Variants in IL27RA observed in about 807,000 individuals in gnomAD.
IL27RA encodes the protein interleukin-27 receptor subunit alpha.
Under a neutral mutation model 80.8 loss-of-function variants are expected in IL27RA, and 61 were observed. The observed-to-expected ratio is 0.76, with a 90% confidence interval of 0.61 to 0.93. IL27RA has a LOEUF of 0.93. Among genes scored for constraint, IL27RA ranks in the 40% least tolerant of loss-of-function variants. IL27RA has a pLI of 0.00. For missense variants in IL27RA, 735 were observed against 808.1 expected, an observed-to-expected ratio of 0.91 and a Z score of 1.10; for synonymous variants, 316 against 332.5, an observed-to-expected ratio of 0.95 and a Z score of 0.54.
chr19:14,032,589 G>A, intron 2 of IL27RA, 86 bp downstream of exon 2: 1 of 601,014 alleles, frequency 1.7e-6, no homozygotes, highest in South Asian at 1.8e-5. Flanking sequence ...GGTTCCAGGA[G>A]TCAAGCCTGG....
chr19:14,042,918 G>T (rs1976013954), intron 6 of IL27RA, 129 bp downstream of exon 6: 1 of 811,322 alleles, frequency 1.2e-6, no homozygotes, highest in Non-Finnish European at 2.1e-6. Context: ...GAGGAGGGTG[G>T]ATCACTTGAG....
At position 14,044,325 on chromosome 19, in the gene IL27RA, C is replaced by T. The variant is rs951747258; in HGVS notation, c.768+1536C>T. Among the ~76,000 whole-genome samples, 4 of 152,006 alleles carry T rather than the reference C, an allele frequency of 2.6e-5. 1 individual carries two copies. The highest frequency in any genetic ancestry group is 2.1e-4 in the South Asian group (1 of 4,822). ...GGCGATCTTGGCTCACCGCAACCTC[C>T]GCCTCCTGGGTTCAAGCGATTCTCC... On this transcript the variant is annotated intron_variant, in intron 6 of 13. Coordinates refer to ENST00000263379, the MANE Select transcript of IL27RA (RefSeq NM_004843.4).
At chr19:14,045,290 G>GAAA (rs998564347) in intron 6 of IL27RA, among the ~76,000 whole-genome samples, 1 of 106,434 alleles carries the variant, frequency 9.4e-6, no homozygotes. Flanking sequence ...ATGTCAAAAA[G>GAAA]AAAAAAAAAA....
At chr19:14,032,278 C>T (rs1568497673) in intron 1 of IL27RA, 108 bp from the exon 2 acceptor site, 2 of 880,110 alleles carry the variant, frequency 2.3e-6, no homozygotes, top group African/African-American at 1.7e-5. Flanking sequence ...CTGCTCATTT[C>T]CCTAAGCCCC....
At chr19:14,033,441 G>A (rs1323042012) in intron 2 of IL27RA, among the ~76,000 whole-genome samples, 1 of 151,628 alleles carries the variant, frequency 6.6e-6, no homozygotes, top group Admixed American at 6.6e-5. Flanking sequence ...TATAAATAAA[G>A]GGAAATAGGC....
intron 2 of IL27RA, among the ~76,000 whole-genome samples, chr19:14,034,027 G>A (rs1448469058): frequency 1.3e-5 from 2 of 152,200 alleles, no homozygotes; most frequent in Non-Finnish European, 2.9e-5. Flanking sequence ...CGAAGGTTAA[G>A]TCTGAGGATT....
At chr19:14,042,351 G>A (rs999719360) in intron 4 of IL27RA, 102 bp from the exon 5 acceptor site, 8 of 1,277,612 alleles carry the variant, frequency 6.3e-6, no homozygotes, top group Admixed American at 4.3e-5. Flanking sequence ...GGGCCACAAC[G>A]AGACTGTCTC....
At chr19:14,032,774 C>T (rs1975839357) in intron 2 of IL27RA, among the ~76,000 whole-genome samples, 1 of 145,252 alleles carries the variant, frequency 6.9e-6, no homozygotes, top group Admixed American at 7.0e-5. Flanking sequence ...CCACTGCACT[C>T]CAGCCTGGGG....
chr19:14,034,967 T>C (rs1186259565), intron 2 of IL27RA, among the ~76,000 whole-genome samples: 2 of 144,662 alleles, frequency 1.4e-5, no homozygotes, highest in East Asian at 4.0e-4. Context: ...AAAAAAAAAA[T>C]TCATACAACA....
At chr19:14,037,558 T>A (rs1481194664) in intron 2 of IL27RA, among the ~76,000 whole-genome samples, 1 of 151,436 alleles carries the variant, frequency 6.6e-6, no homozygotes, top group Non-Finnish European at 1.5e-5. Context: ...CCTGGCCCCT[T>A]CTTACTATTT....
At chr19:14,051,174 C>T (rs542214843) in intron 11 of IL27RA, among the ~76,000 whole-genome samples, 2 of 152,176 alleles carry the variant, frequency 1.3e-5, no homozygotes, top group Non-Finnish European at 2.9e-5. Context: ...CGCTTGAGCC[C>T]AGGAGTTGGA....
At position 14,043,335 on chromosome 19, in the gene IL27RA, G is replaced by A. The variant is rs557582474; in HGVS notation, c.768+546G>A. On this transcript the variant is annotated intron_variant, in intron 6 of 13. Coordinates refer to ENST00000263379, the MANE Select transcript of IL27RA (RefSeq NM_004843.4). Reference sequence around the variant, plus strand: ...CCATAAGGATGGGTGCAGATATTCCGGGCAGGGGCAGCAGATGCAAAAACC... The same window carrying A: ...CCATAAGGATGGGTGCAGATATTCCAGGCAGGGGCAGCAGATGCAAAAACC... Among the ~76,000 whole-genome samples the A allele has an allele frequency of 9.9e-5, 15 of 152,132 alleles. No individual in the cohort carries two copies. In the East Asian group the frequency reaches 1.7e-3, roughly 18 times the overall value.
In IL27RA at chr19:14,042,696, C is replaced by T. The variant is rs200086680; in HGVS notation, c.695-20C>T. The T allele has an allele frequency of 6.4e-5, 104 of 1,613,940 alleles. No homozygotes were observed. Among genetic ancestry groups the T allele is most frequent in the Non-Finnish European group, 1.8e-5 (21 of 1,179,956 alleles). ...AATCATGTCCCACTCATTTGTTCCCCGTTTCCTCATCCTTGCCAGCTCCAA... is the reference window on the plus strand; with the variant it reads ...AATCATGTCCCACTCATTTGTTCCCTGTTTCCTCATCCTTGCCAGCTCCAA... On this transcript the variant is annotated intron_variant, in intron 5 of 13. Coordinates refer to ENST00000263379, the MANE Select transcript of IL27RA (RefSeq NM_004843.4).
Position 14,052,886 on chromosome 19 carries a change from A to G in IL27RA, c.*596A>G, listed in dbSNP as rs1976202168. The G allele has an allele frequency of 6.6e-6, 1 of 151,112 alleles. No individual in the cohort carries two copies. The highest frequency in any genetic ancestry group is 2.5e-5 in the African/African-American group (1 of 40,708). 9.4% of individuals were successfully genotyped at this position (151,112 alleles called of 1,614,324 possible). On this transcript the variant is annotated 3_prime_UTR_variant, in exon 14 of 14. Transcript: ENST00000263379. ...AGAATGAGACCTTATCTCAAAAATA[A>G]ACAAACTAATAAAAAGCAAAAAAAA... is the stretch of plus-strand genomic sequence containing the variant.
chr19:14,038,897 AAAG>A (rs1429006006), intron 2 of IL27RA, among the ~76,000 whole-genome samples: 3 of 151,684 alleles, frequency 2.0e-5, no homozygotes, highest in Non-Finnish European at 4.4e-5. Context: ...AAGAAAAAAA[AAAG>A]AGAGAGAGAA....
intron 2 of IL27RA, among the ~76,000 whole-genome samples, chr19:14,034,173 TGC>T (rs1975863393): frequency 1.3e-5 from 2 of 152,072 alleles, no homozygotes; most frequent in African/African-American, 2.4e-5. Context: ...CTGGGGATGC[TGC>T]AGTGAAAGAG....
At chr19:14,048,043 G>A (rs1009451959) in intron 8 of IL27RA, among the ~76,000 whole-genome samples, 4 of 149,758 alleles carry the variant, frequency 2.7e-5, no homozygotes, top group African/African-American at 7.4e-5. Context: ...CTGCAGCGTC[G>A]ACCTCCATGG....
chr19:14,046,317 A>G lies in IL27RA; in HGVS notation c.932A>G (p.Asn311Ser), dbSNP rs1976064351. ...GCCACAAGCTGGGAGCCTCTCACCA[A>G]CCTCTCTTTGGTCTGCTTGGGTAAG... ...VNATSWEPLT[N>S]LSLVCLDSAS... is the part of the protein sequence containing the mutation. The change falls in exon 7 of 14, where the codon AAC becomes AGC. Residue 311 changes from asparagine (N) to serine (S), a missense_variant. By Grantham distance (46) the Asn-to-Ser change is conservative. Coordinates refer to ENST00000263379, the MANE Select transcript of IL27RA (RefSeq NM_004843.4). The G allele has an allele frequency of 6.2e-7, 1 of 1,613,634 alleles. No individual in the cohort carries two copies. Among genetic ancestry groups the G allele is most frequent in the Non-Finnish European group, 8.5e-7 (1 of 1,179,844 alleles).
intron 4 of IL27RA, 26 bp from the exon 5 acceptor site, chr19:14,042,427 A>C: frequency 6.2e-7 from 1 of 1,609,780 alleles, no homozygotes; most frequent in Non-Finnish European, 8.5e-7. Context: ...CCCTGGGCCC[A>C]TCACGCTCGC....
Sources: gnomAD v4.1 joint callset for allele counts (sites outside exome capture counted in the v4.1 genomes callset) on GRCh38, gnomAD v4.1.1 for gene constraint, MANE v1.5 for transcripts, NCBI Gene and HGNC (gene_info 2026-07-23, HGNC 2026-07-21) for gene names.